The following GNG7 variants were observed in gnomAD, a reference collection of about 807,000 sequenced individuals.
The protein encoded by GNG7 is guanine nucleotide-binding protein G(I)/G(S)/G(O) subunit gamma-7.
A neutral mutation model predicts 4.0 loss-of-function variants in GNG7; 1 was observed. The observed-to-expected ratio is 0.25, with a 90% CI of 0.09 to 1.18. GNG7 has a LOEUF of 1.18. GNG7 is among the 50% of genes most tolerant of loss of function. The pLI is 0.50. For synonymous variants in GNG7, 34 were observed against 36.9 expected (o/e 0.92, Z 0.29); for missense variants, 86 against 91.9 (o/e 0.94, Z 0.26).
Position 2,625,865 on chromosome 19 carries a change from C to T in GNG7, c.-78+20359G>A, listed in dbSNP as rs546235868. 6.6e-5 allele frequency among the ~76,000 whole-genome samples: 10 copies of T among 152,126 alleles called. No individual in the cohort carries two copies. The South Asian group carries it at 8.3e-4, about 13-fold the overall frequency. Reference sequence around the variant, plus strand: ...GGCTGGACTGCTCACTGATGCTCACCGCAACTCCGCCTCCCGGGTTCAAGC... The same window carrying T: ...GGCTGGACTGCTCACTGATGCTCACTGCAACTCCGCCTCCCGGGTTCAAGC... On this transcript the variant is annotated intron_variant, in intron 2 of 4. Coordinates refer to ENST00000382159, the MANE Select transcript of GNG7 (RefSeq NM_052847.3).
At chr19:2,538,938 T>G (rs1263024498) in intron 3 of GNG7, 5 of 209,524 alleles carry the variant, frequency 2.4e-5, no homozygotes, top group Non-Finnish European at 3.9e-5. Context: ...CCGGCTAATT[T>G]TTTTTTGTAT....
rs1367229962 is a variant in GNG7, at chr19:2,626,081, C to T, written c.-78+20143G>A. On this transcript the variant is annotated intron_variant, in intron 2 of 4. Transcript: ENST00000382159. This position sits in a 1 kb window ranked among gnomAD's most constrained non-coding sequence, Gnocchi z 5.0. ...GGGATGACAGGCGTGAGCCATGGCG[C>T]CCGGCCTGATTATTTCATTTACTCC... Among the ~76,000 whole-genome samples the T allele has an allele frequency of 1.3e-5, 2 of 152,170 alleles. No individual in the cohort carries two copies. Among genetic ancestry groups the T allele is most frequent in the Non-Finnish European group, 2.9e-5 (2 of 68,030 alleles).
At chr19:2,538,403 A>G (rs987439977) in intron 3 of GNG7, 1 of 397,288 alleles carries the variant, frequency 2.5e-6, no homozygotes, top group Admixed American at 2.9e-5. Flanking sequence ...CTGGAGGATC[A>G]TTTGAGGCCA....
Position 2,634,038 on chromosome 19 carries a change from T to C in GNG7, c.-78+12186A>G, listed in dbSNP as rs550697101. On this transcript the variant is annotated intron_variant, in intron 2 of 4. Coordinates refer to ENST00000382159, the MANE Select transcript of GNG7 (RefSeq NM_052847.3). The surrounding 1 kb of genome is among the most constrained non-coding windows in gnomAD (Gnocchi z 5.3). ...CCCATGATCCTCTGCCCTGCTGAGG[T>C]CCCCGGAGGCTGCACACATTGAAAT... 2.0e-4 allele frequency among the ~76,000 whole-genome samples: 31 copies of C among 151,776 alleles called. No homozygotes were observed. The South Asian group carries it at 6.5e-3, about 32-fold the overall frequency.
chr19:2,603,907 G>A (rs1216643173), intron 2 of GNG7, among the ~76,000 whole-genome samples: 1 of 151,948 alleles, frequency 6.6e-6, no homozygotes, highest in South Asian at 2.1e-4. Flanking sequence ...CTGGAGTGCA[G>A]TGGTGCAATC....
chr19:2,551,511 C>A (rs1979318121), intron 3 of GNG7, among the ~76,000 whole-genome samples: 2 of 83,932 alleles, frequency 2.4e-5, no homozygotes, highest in African/African-American at 1.2e-4. Flanking sequence ...TTCATACAAT[C>A]TTTTATTATT....
intron 3 of GNG7, chr19:2,538,869 A>C (rs977681457): frequency 8.3e-6 from 2 of 240,720 alleles, no homozygotes; most frequent in East Asian, 1.4e-4. Context: ...CCTGGGTTCA[A>C]GCCATTCTCC....
intron 3 of GNG7, among the ~76,000 whole-genome samples, chr19:2,526,318 T>A (rs1429846805): frequency 6.6e-6 from 1 of 150,994 alleles, no homozygotes; most frequent in Non-Finnish European, 1.5e-5. Context: ...TTGGCCAGGC[T>A]GGTCTCAAAC....
intron 2 of GNG7, among the ~76,000 whole-genome samples, chr19:2,606,755 G>GCAGC (rs1233400946): frequency 1.3e-5 from 2 of 151,306 alleles, no homozygotes; most frequent in Non-Finnish European, 2.9e-5. Flanking sequence ...GGCAGCCAAG[G>GCAGC]CAAGGAAGAC....
At chr19:2,636,347 G>A (rs1214662891) in intron 2 of GNG7, among the ~76,000 whole-genome samples, 2 of 152,146 alleles carry the variant, frequency 1.3e-5, no homozygotes, top group African/African-American at 2.4e-5. Context: ...CCCTCTCTGA[G>A]CTGGGGAGTG....
At position 2,515,119 on chromosome 19, in the gene GNG7, C is replaced by T. The variant is rs1972715226; in HGVS notation, c.110G>A (p.Ser37Asn). 2 of 1,613,910 alleles carry T rather than the reference C, an allele frequency of 1.2e-6. No individual in the cohort carries two copies. Among genetic ancestry groups the T allele is most frequent in the African/African-American group, 2.7e-5 (2 of 75,022 alleles). ...KVSKAASDLM[S>N]YCEQHARNDP... ...GTTCCGGGCATGTTGCTCACAGTAGCTCATGAGGTCAGACGCCGCTTTGGA... is the reference window on the plus strand; with the variant it reads ...GTTCCGGGCATGTTGCTCACAGTAGTTCATGAGGTCAGACGCCGCTTTGGA... The change falls in exon 5 of 5, where the codon AGC becomes AAC. Residue 37 changes from serine to asparagine, a missense_variant. Coordinates refer to ENST00000382159, the MANE Select transcript of GNG7 (RefSeq NM_052847.3).
rs1982257619 is a variant in GNG7 at position 2,634,591 on chromosome 19, C to A, written c.-78+11633G>T. Among the ~76,000 whole-genome samples the A allele has an allele frequency of 6.6e-6, 1 of 152,164 alleles. No individual in the cohort carries two copies. Among genetic ancestry groups the A allele is most frequent in the African/African-American group, 2.4e-5 (1 of 41,444 alleles). On this transcript the variant is annotated intron_variant, in intron 2 of 4. Coordinates refer to ENST00000382159, the MANE Select transcript of GNG7 (RefSeq NM_052847.3). The surrounding 1 kb of genome is among the most constrained non-coding windows in gnomAD (Gnocchi z 5.3). ...ACAGCGCCCCGTAATTACTTGCGGG[C>A]TGCACACACGTTTTCTCTCGGGGAG...
At chr19:2,620,817 G>C (rs1041223698) in intron 2 of GNG7, among the ~76,000 whole-genome samples, 1 of 152,146 alleles carries the variant, frequency 6.6e-6, no homozygotes, top group East Asian at 1.9e-4. Flanking sequence ...CTCTGGCTCC[G>C]GGCAACAGAG....
chr19:2,590,252 C>T (rs1181240703), intron 2 of GNG7, among the ~76,000 whole-genome samples: 2 of 152,120 alleles, frequency 1.3e-5, no homozygotes, highest in African/African-American at 4.8e-5. Flanking sequence ...AAAAACAAAA[C>T]TATAAGAGGT....
intron 2 of GNG7, among the ~76,000 whole-genome samples, chr19:2,621,522 ACC>A (rs1229841723): frequency 1.3e-5 from 2 of 151,744 alleles, no homozygotes. Flanking sequence ...ACATGGACAA[ACC>A]TCATCTCTAC....
intron 1 of GNG7, among the ~76,000 whole-genome samples, chr19:2,657,145 G>A (rs1161890363): frequency 6.6e-6 from 1 of 150,540 alleles, no homozygotes; most frequent in African/African-American, 2.5e-5. Flanking sequence ...ACCAGCCTGG[G>A]CAACATGGTG....
rs1982239735 is a variant in GNG7, at chr19:2,633,965, A to G, written c.-78+12259T>C. The stretch of plus-strand genomic sequence containing the variant: ...CTGGGTGCAAAATTGCCCCGAGTTG[A>G]GACCCCCTGGGATAGGGGATTCCAC... On this transcript the variant is annotated intron_variant, in intron 2 of 4. Transcript: ENST00000382159. This position sits in a 1 kb window ranked among gnomAD's most constrained non-coding sequence, Gnocchi z 5.9. 6.6e-6 allele frequency among the ~76,000 whole-genome samples: 1 copy of G among 151,986 alleles called. No homozygotes were observed. Among genetic ancestry groups the G allele is most frequent in the Non-Finnish European group, 1.5e-5 (1 of 67,992 alleles).
chr19:2,600,118 A>AATT (rs71178296), intron 2 of GNG7, among the ~76,000 whole-genome samples: 109,462 of 151,364 alleles, frequency 0.72, 39,628 homozygotes, highest in Middle Eastern at 0.77. Context: ...GGTAATAAAA[A>AATT]ATTAAGGCCC....
chr19:2,540,740 G>C (rs1039782398), intron 3 of GNG7, among the ~76,000 whole-genome samples: 1 of 152,184 alleles, frequency 6.6e-6, no homozygotes, highest in Non-Finnish European at 1.5e-5. Context: ...CCCTCCTCCC[G>C]GGGAGACCTG....
Sources: allele counts gnomAD v4.1 joint callset (sites outside exome capture counted in the v4.1 genomes callset), GRCh38; gene constraint gnomAD v4.1.1; non-coding constraint Gnocchi (gnomAD v3.1); transcripts MANE v1.5; gene names NCBI Gene and HGNC (gene_info 2026-07-23, HGNC 2026-07-21).